PDE4D: variants seen among roughly 807,000 people sequenced by gnomAD.
PDE4D encodes the protein phosphodiesterase 4D.
PDE4D carries 24 observed loss-of-function variants against 87.4 expected under a neutral mutation model. The ratio of observed to expected loss-of-function variants is 0.27; its 90% CI spans 0.20 to 0.39. PDE4D has a LOEUF of 0.39. Ranked by LOEUF, PDE4D falls within the 10% of genes least tolerant of loss-of-function variation. PDE4D has a pLI of 1.00. For missense variants in PDE4D, 714 were observed against 1,041.0 expected, an observed-to-expected ratio of 0.69 and a Z score of 4.32; for synonymous variants, 384 against 383.2, an observed-to-expected ratio of 1.00 and a Z score of -0.02.
At chr5:59,615,206 T>C (rs942174522) in intron 1 of PDE4D, among the ~76,000 whole-genome samples, 7 of 152,172 alleles carry the variant, frequency 4.6e-5, no homozygotes, top group African/African-American at 1.7e-4. Flanking sequence ...TATATACATA[T>C]GTTAGACCAG....
chr5:60,256,636 C>T (rs988735162), intron 1 of PDE4D, among the ~76,000 whole-genome samples: 1 of 151,906 alleles, frequency 6.6e-6, no homozygotes, highest in East Asian at 1.9e-4. Context: ...AAAATTAGTC[C>T]TACCTTAAGG....
chr5:59,307,422 C>T (rs1002207961), intron 1 of PDE4D, among the ~76,000 whole-genome samples: 156 of 151,810 alleles, frequency 1.0e-3, no homozygotes, highest in African/African-American at 3.5e-3. Context: ...AGTGAACAGG[C>T]AACCTACAAA....
chr5:60,014,349 T>C lies in PDE4D; in HGVS notation c.43-25632A>G, dbSNP rs114385965. Among the ~76,000 whole-genome samples, 1,149 of 152,276 alleles carry C rather than the reference T, an allele frequency of 7.5e-3. 13 individuals are homozygous for C. The highest frequency in any genetic ancestry group is 0.026 in the African/African-American group (1,095 of 41,540). On this transcript the variant is annotated intron_variant, in intron 2 of 16. Transcript: ENST00000502484. Reference sequence around the variant, plus strand: ...CCATCAGAAATAGGAAACTGTTATTTTAATCCACAAAGTCCAACTCAGGAC... The same window carrying C: ...CCATCAGAAATAGGAAACTGTTATTCTAATCCACAAAGTCCAACTCAGGAC...
chr5:59,265,584 G>T (rs1762733243), intron 1 of PDE4D, among the ~76,000 whole-genome samples: 1 of 152,010 alleles, frequency 6.6e-6, no homozygotes, highest in Non-Finnish European at 1.5e-5. Context: ...ACAGTTCCTG[G>T]TCACTCACAA....
At chr5:59,610,831 A>G (rs1828905733) in intron 1 of PDE4D, among the ~76,000 whole-genome samples, 1 of 152,172 alleles carries the variant, frequency 6.6e-6, no homozygotes, top group Non-Finnish European at 1.5e-5. Context: ...TAAATGTGAT[A>G]TTTATATTTC....
intron 1 of PDE4D, among the ~76,000 whole-genome samples, chr5:60,291,418 T>TA (rs1161104633): frequency 6.6e-6 from 1 of 151,990 alleles, no homozygotes; most frequent in Non-Finnish European, 1.5e-5. Flanking sequence ...GAATTCAATT[T>TA]AAAAAAGAAC....
chr5:59,274,950 G>A (rs1764524165), intron 1 of PDE4D, among the ~76,000 whole-genome samples: 2 of 152,078 alleles, frequency 1.3e-5, no homozygotes. Context: ...TGTGCTAAAA[G>A]TGAGGGTATT....
chr5:60,366,790 T>C (rs1439587170), intron 1 of PDE4D, among the ~76,000 whole-genome samples: 1 of 152,216 alleles, frequency 6.6e-6, no homozygotes, highest in African/African-American at 2.4e-5. Context: ...CCTGGGAGAA[T>C]TTAAACTTCA....
chr5:59,762,854 G>GAT (rs35979900), intron 1 of PDE4D, among the ~76,000 whole-genome samples: 7,100 of 51,244 alleles, frequency 0.14, 810 homozygotes, highest in Non-Finnish European at 0.17. Context: ...ACTGCTTAAG[G>GAT]ATATATATAT....
At chr5:59,997,510 A>G (rs148299271) in intron 2 of PDE4D, among the ~76,000 whole-genome samples, 90 of 152,340 alleles carry the variant, frequency 5.9e-4, no homozygotes, top group Admixed American at 1.2e-3. Context: ...AAGTGATGAT[A>G]TATTTATAAT....
intron 1 of PDE4D, among the ~76,000 whole-genome samples, chr5:59,762,203 TGC>T (rs1313549304): frequency 3.6e-5 from 5 of 138,690 alleles, no homozygotes; most frequent in Non-Finnish European, 8.1e-5. Context: ...GGTACACATA[TGC>T]GTATATGTGT....
At chr5:60,217,526 G>A (rs1030469477) in intron 1 of PDE4D, among the ~76,000 whole-genome samples, 5 of 151,552 alleles carry the variant, frequency 3.3e-5, no homozygotes, top group East Asian at 1.9e-4. Flanking sequence ...AAAACACAAC[G>A]CAAAAAGCAT....
At chr5:59,548,731 A>G (rs112425322) in intron 1 of PDE4D, among the ~76,000 whole-genome samples, 4 of 152,260 alleles carry the variant, frequency 2.6e-5, no homozygotes, top group African/African-American at 9.6e-5. Flanking sequence ...AAAGGCCTGA[A>G]AAAAAATGGA....
At chr5:59,970,841 G>T (rs1277625338) in intron 3 of PDE4D, among the ~76,000 whole-genome samples, 1 of 147,526 alleles carries the variant, frequency 6.8e-6, no homozygotes, top group Non-Finnish European at 1.5e-5. Flanking sequence ...ATTTGACCCA[G>T]CCATCCCATT....
chr5:60,499,648 G>C (rs1156744703), intron 1 of PDE4D, among the ~76,000 whole-genome samples: 1 of 152,110 alleles, frequency 6.6e-6, no homozygotes, highest in Non-Finnish European at 1.5e-5. Flanking sequence ...TGGATTCCCA[G>C]CCATCTTCAC....
chr5:60,384,462 T>C (rs1762067985), intron 1 of PDE4D, among the ~76,000 whole-genome samples: 1 of 152,186 alleles, frequency 6.6e-6, no homozygotes, highest in Non-Finnish European at 1.5e-5. Context: ...CAATGACCAC[T>C]CAACTTCCAA....
At chr5:60,072,961 C>T (rs1772884490) in intron 2 of PDE4D, among the ~76,000 whole-genome samples, 1 of 151,906 alleles carries the variant, frequency 6.6e-6, no homozygotes, top group African/African-American at 2.4e-5. Context: ...GTTCTCCTTG[C>T]TTAGTATTGC....
At chr5:60,117,525 A>G (rs1376650756) in intron 2 of PDE4D, among the ~76,000 whole-genome samples, 3 of 152,110 alleles carry the variant, frequency 2.0e-5, no homozygotes, top group African/African-American at 7.2e-5. Context: ...TTCCCTTTAT[A>G]TTCCCTTTTT....
At chr5:59,646,834 G>C (rs1437598641) in intron 1 of PDE4D, among the ~76,000 whole-genome samples, 1 of 152,122 alleles carries the variant, frequency 6.6e-6, no homozygotes, top group African/African-American at 2.4e-5. Context: ...AGGAGATCGA[G>C]ACCATCCTGG....
Sources: gnomAD v4.1 joint callset for allele counts (sites outside exome capture counted in the v4.1 genomes callset) on GRCh38, gnomAD v4.1.1 for gene constraint, MANE v1.5 for transcripts, NCBI Gene and HGNC (gene_info 2026-07-23, HGNC 2026-07-21) for gene names.